TENM4: variants seen among roughly 807,000 people sequenced by gnomAD.
TENM4 encodes the protein teneurin transmembrane protein 4, also known as teneurin-4.
Under a neutral mutation model 243.3 loss-of-function variants are expected in TENM4, and 82 were observed. The observed-to-expected ratio is 0.34, with a 90% CI of 0.28 to 0.40. The LOEUF (loss-of-function observed/expected upper bound fraction) is 0.40, where lower values mean the gene tolerates loss of function less well. TENM4 is among the 10% of genes least tolerant of loss of function. The probability of loss-of-function intolerance (pLI) is 1.00; values close to 1 mark genes in which losing one functional copy is unlikely to be tolerated. For missense variants in TENM4, 3,138 were observed against 3,673.3 expected (o/e 0.85, Z 3.77); for synonymous variants, 1,412 against 1,456.3 (o/e 0.97, Z 0.69).
intron 9 of TENM4, among the ~76,000 whole-genome samples, chr11:78,884,471 T>C (rs1474824485): frequency 1.3e-5 from 2 of 152,200 alleles, no homozygotes; most frequent in African/African-American, 2.4e-5. Context: ...AGGGCTATTA[T>C]ATAGCATAGT....
chr11:79,034,851 C>T lies in TENM4; in HGVS notation c.493+29887G>A, dbSNP rs550903604. 5.3e-5 allele frequency among the ~76,000 whole-genome samples: 8 copies of T among 152,270 alleles called. No homozygotes were observed. In the South Asian group the frequency reaches 1.7e-3, roughly 32 times the overall value. ...ACCTGGAAACCTTTATTCCTCAGGA[C>T]ATCTGGGGAACTAGTTTTCATAGAA... On this transcript the variant is annotated intron_variant, in intron 6 of 33. Transcript: ENST00000278550.
chr11:79,338,253 C>A (rs1393490982), intron 1 of TENM4, among the ~76,000 whole-genome samples: 2 of 152,228 alleles, frequency 1.3e-5, no homozygotes, highest in Admixed American at 6.5e-5. Flanking sequence ...ATGTCCTCAC[C>A]TATAGACAAC....
intron 3 of TENM4, among the ~76,000 whole-genome samples, chr11:79,154,845 T>A (rs905420774): frequency 1.3e-5 from 2 of 152,190 alleles, no homozygotes; most frequent in Non-Finnish European, 2.9e-5. Context: ...CAGGCCCACC[T>A]GTATGTTGTC....
At chr11:79,347,532 C>A (rs1857344733) in intron 1 of TENM4, among the ~76,000 whole-genome samples, 2 of 152,252 alleles carry the variant, frequency 1.3e-5, no homozygotes, top group African/African-American at 2.4e-5. Flanking sequence ...CAGTGCCTCC[C>A]CAGGGAGGAC....
At position 78,903,273 on chromosome 11, in the gene TENM4, C is replaced by G. The variant is rs1855975865; in HGVS notation, c.744G>C (p.Glu248Asp). ...CCTCCCTACCGGCCGCGCACCTGGT[C>G]TCCAGGGGGATGTTGCTGTTGAGCA... ...NWLLNSNIPL[E>D]TRNLGKQPFL... Residue 248 changes from glutamate (E) to aspartate (D), a missense_variant, in exon 7 of 34, where the codon GAG (glutamate) becomes GAC (aspartate). Glu to Asp is a conservative substitution (Grantham distance 45). Transcript: ENST00000278550. 1 of 1,491,684 alleles carries G rather than the reference C, an allele frequency of 6.7e-7. No homozygotes were observed. Among genetic ancestry groups the G allele is most frequent in the Non-Finnish European group, 8.9e-7 (1 of 1,125,732 alleles). 92.4% of individuals were successfully genotyped at this position (1,491,684 alleles called of 1,614,324 possible). A position where few individuals can be genotyped will look rare whatever the true frequency, so the allele number is the denominator to read the frequency against.
intron 7 of TENM4, among the ~76,000 whole-genome samples, chr11:78,902,239 A>T (rs1012758547): frequency 6.6e-6 from 1 of 152,208 alleles, no homozygotes; most frequent in Non-Finnish European, 1.5e-5. Context: ...GAGTGGTAGG[A>T]TTATGGGTAA....
chr11:79,086,738 G>A (rs774005574), intron 4 of TENM4, among the ~76,000 whole-genome samples: 27 of 151,208 alleles, frequency 1.8e-4, no homozygotes, highest in Admixed American at 6.6e-4. Flanking sequence ...GGAAGCTGAG[G>A]CAGTGGGATC....
chr11:78,658,893 T>C, intron 33 of TENM4, 77 bp from the exon 34 acceptor site: 1 of 1,494,690 alleles, frequency 6.7e-7, no homozygotes. Flanking sequence ...TCAGCTTAAA[T>C]AATGAAGTCA....
intron 3 of TENM4, among the ~76,000 whole-genome samples, chr11:79,204,054 G>C (rs953184581): frequency 6.6e-6 from 1 of 152,206 alleles, no homozygotes; most frequent in Non-Finnish European, 1.5e-5. Flanking sequence ...AGAGATTTGT[G>C]GTTGCCTAGA....
At chr11:78,726,685 A>G (rs1855519371) in intron 22 of TENM4, among the ~76,000 whole-genome samples, 1 of 152,002 alleles carries the variant, frequency 6.6e-6, no homozygotes, top group African/African-American at 2.4e-5. Context: ...TTCTCCTGAG[A>G]TCCAGATGTT....
At chr11:79,433,335 G>A (rs550120540) in intron 1 of TENM4, among the ~76,000 whole-genome samples, 2 of 152,280 alleles carry the variant, frequency 1.3e-5, no homozygotes, top group South Asian at 2.1e-4. Context: ...AACTAGGGGT[G>A]TGCACATTAG....
intron 6 of TENM4, among the ~76,000 whole-genome samples, chr11:78,955,921 G>A (rs1301702912): frequency 6.6e-6 from 1 of 152,188 alleles, no homozygotes; most frequent in African/African-American, 2.4e-5. Context: ...GGCCATAGGT[G>A]AGAGCTTGTC....
intron 6 of TENM4, among the ~76,000 whole-genome samples, chr11:78,989,376 T>C (rs1857988027): frequency 1.1e-5 from 1 of 87,688 alleles, no homozygotes; most frequent in South Asian, 4.9e-4. Context: ...CAATCCAGAG[T>C]TAGAGAGCCA....
chr11:78,756,592 C>T, intron 19 of TENM4: 2 of 554,106 alleles, frequency 3.6e-6, no homozygotes, highest in South Asian at 2.1e-5. Context: ...AGCAACAAAA[C>T]TTTGCTCATA....
intron 1 of TENM4, among the ~76,000 whole-genome samples, chr11:79,434,074 C>G (rs1859222838): frequency 6.6e-6 from 1 of 152,210 alleles, no homozygotes; most frequent in Admixed American, 6.5e-5. Context: ...AGCTATCTAA[C>G]TACAGGGAAC....
chr11:79,330,137 A>G (rs981006767), intron 1 of TENM4, among the ~76,000 whole-genome samples: 1 of 152,212 alleles, frequency 6.6e-6, no homozygotes, highest in Non-Finnish European at 1.5e-5. Context: ...GCAGACTTTA[A>G]GCTAGCAACA....
chr11:78,752,844 A>G (rs1016165095), intron 19 of TENM4, among the ~76,000 whole-genome samples: 1 of 152,202 alleles, frequency 6.6e-6, no homozygotes. Flanking sequence ...CCTGGAGGGC[A>G]GGTTCCTCTC....
chr11:79,164,534 T>C (rs886261399), intron 3 of TENM4, among the ~76,000 whole-genome samples: 3 of 144,690 alleles, frequency 2.1e-5, no homozygotes, highest in Non-Finnish European at 4.5e-5. Flanking sequence ...ATATACTATA[T>C]AGTACTATAT....
At chr11:78,777,315 C>T (rs182424515) in intron 17 of TENM4, among the ~76,000 whole-genome samples, 4 of 152,136 alleles carry the variant, frequency 2.6e-5, no homozygotes, top group Non-Finnish European at 4.4e-5. Flanking sequence ...GGATCCTATG[C>T]GACACCTTTG....
Sources: gnomAD v4.1 joint callset for allele counts (sites outside exome capture counted in the v4.1 genomes callset) on GRCh38, gnomAD v4.1.1 for gene constraint, MANE v1.5 for transcripts, NCBI Gene and HGNC (gene_info 2026-07-23, HGNC 2026-07-21) for gene names.